The following GPC5 variants were observed in gnomAD, a reference collection of about 807,000 sequenced individuals.
GPC5 encodes glypican-5.
Under a neutral mutation model 53.9 loss-of-function variants are expected in GPC5, and 47 were observed. The observed-to-expected ratio is 0.87, with a 90% CI of 0.69 to 1.11. GPC5 has a LOEUF of 1.11. GPC5 is among the 50% of genes most tolerant of loss of function. The pLI, the probability that GPC5 is intolerant of heterozygous loss-of-function variation, is 0.00. For missense variants in GPC5, 748 were observed against 713.1 expected, an observed-to-expected ratio of 1.05 and a Z score of -0.56; for synonymous variants, 286 against 263.3, an observed-to-expected ratio of 1.09 and a Z score of -0.84.
chr13:92,104,851 C>T (rs117599066), intron 6 of GPC5, among the ~76,000 whole-genome samples: 5 of 152,126 alleles, frequency 3.3e-5, no homozygotes, highest in East Asian at 1.9e-4. Flanking sequence ...TATAACATGG[C>T]TTAGGCTTAA....
intron 7 of GPC5, among the ~76,000 whole-genome samples, chr13:92,674,960 A>G (rs1188389489): frequency 6.6e-6 from 1 of 152,174 alleles, no homozygotes; most frequent in Non-Finnish European, 1.5e-5. Flanking sequence ...AAAAACAATT[A>G]GCTTATTTAA....
At chr13:92,124,150 C>G (rs1344901738) in intron 6 of GPC5, among the ~76,000 whole-genome samples, 1 of 145,396 alleles carries the variant, frequency 6.9e-6, no homozygotes, top group Non-Finnish European at 1.5e-5. Flanking sequence ...AAAAAAGCAT[C>G]CAAATAAAGA....
intron 7 of GPC5, among the ~76,000 whole-genome samples, chr13:92,611,478 C>A (rs535627983): frequency 1.1e-4 from 16 of 152,082 alleles, no homozygotes; most frequent in Admixed American, 5.9e-4. Flanking sequence ...TATTTAAATT[C>A]CAGTAACATA....
At chr13:92,575,462 C>T (rs113585700) in intron 7 of GPC5, among the ~76,000 whole-genome samples, 1 of 152,270 alleles carries the variant, frequency 6.6e-6, no homozygotes, top group African/African-American at 2.4e-5. Flanking sequence ...GAGGCTGGGA[C>T]TCTCCCAGAG....
chr13:92,728,059 G>A (rs1888692246), intron 7 of GPC5, among the ~76,000 whole-genome samples: 1 of 151,430 alleles, frequency 6.6e-6, no homozygotes, highest in South Asian at 2.1e-4. Flanking sequence ...TTTTAAAAAT[G>A]TAGAACTACA....
chr13:92,727,374 G>A (rs1313955079), intron 7 of GPC5, among the ~76,000 whole-genome samples: 1 of 151,240 alleles, frequency 6.6e-6, no homozygotes, highest in Non-Finnish European at 1.5e-5. Context: ...GTACTAAGAG[G>A]GCTCACTTAA....
intron 7 of GPC5, among the ~76,000 whole-genome samples, chr13:92,749,537 C>A (rs1056974632): frequency 8.6e-5 from 13 of 152,002 alleles, no homozygotes; most frequent in Non-Finnish European, 5.9e-5. Flanking sequence ...ATGAATATAT[C>A]ATTTAAATGT....
intron 7 of GPC5, among the ~76,000 whole-genome samples, chr13:92,616,802 C>T (rs1314066944): frequency 1.3e-5 from 2 of 151,970 alleles, no homozygotes; most frequent in African/African-American, 2.4e-5. Context: ...CTTCAAAATG[C>T]GTAAAGCAAG....
intron 6 of GPC5, among the ~76,000 whole-genome samples, chr13:91,986,312 G>T (rs965433745): frequency 1.3e-4 from 20 of 151,850 alleles, no homozygotes; most frequent in Admixed American, 1.2e-3. Flanking sequence ...TGATCCACCC[G>T]CCTCGGCCTC....
At chr13:91,526,807 C>T (rs1336372980) in intron 2 of GPC5, among the ~76,000 whole-genome samples, 2 of 152,132 alleles carry the variant, frequency 1.3e-5, no homozygotes, top group Non-Finnish European at 2.9e-5. Context: ...AGGAAACTTG[C>T]AATCATGGTA....
intron 6 of GPC5, among the ~76,000 whole-genome samples, chr13:92,036,981 G>A (rs1714684284): frequency 6.6e-6 from 1 of 152,020 alleles, no homozygotes; most frequent in African/African-American, 2.4e-5. Context: ...CCTTTTTGTA[G>A]TCAGTTTTTC....
At chr13:92,494,060 T>TGTTTG (rs11390395) in intron 7 of GPC5, among the ~76,000 whole-genome samples, 40,840 of 143,464 alleles carry the variant, frequency 0.28, 6,484 homozygotes, top group East Asian at 0.5. Context: ...TTGTGTTTTT[T>TGTTTG]TTTGTTTGTT....
chr13:92,761,195 T>C (rs1241840303), intron 7 of GPC5, among the ~76,000 whole-genome samples: 1 of 152,206 alleles, frequency 6.6e-6, no homozygotes, highest in Non-Finnish European at 1.5e-5. Context: ...TCTCACTGTG[T>C]TGCTCAGGCT....
At chr13:91,745,287 G>A (rs2037024123) in intron 4 of GPC5, among the ~76,000 whole-genome samples, 1 of 152,032 alleles carries the variant, frequency 6.6e-6, no homozygotes, top group African/African-American at 2.4e-5. Context: ...AATGTGTTGG[G>A]TTTGGAAGGT....
At chr13:91,672,872 T>G (rs2035283115) in intron 2 of GPC5, among the ~76,000 whole-genome samples, 2 of 152,124 alleles carry the variant, frequency 1.3e-5, no homozygotes, top group Non-Finnish European at 2.9e-5. Context: ...GCAAGTGTGG[T>G]ACAAATATAC....
intron 7 of GPC5, among the ~76,000 whole-genome samples, chr13:92,349,224 A>G (rs2043454084): frequency 6.6e-6 from 1 of 152,012 alleles, no homozygotes; most frequent in Admixed American, 6.6e-5. Context: ...GCTCACTGCA[A>G]CCTCCACCTC....
At chr13:92,120,584 T>A (rs1267832920) in intron 6 of GPC5, among the ~76,000 whole-genome samples, 1 of 152,198 alleles carries the variant, frequency 6.6e-6, no homozygotes, top group Non-Finnish European at 1.5e-5. Context: ...AACACATTAC[T>A]CTCCCTTGTT....
chr13:91,649,993 C>G (rs571870300), intron 2 of GPC5, among the ~76,000 whole-genome samples: 3 of 152,102 alleles, frequency 2.0e-5, no homozygotes, highest in Non-Finnish European at 4.4e-5. Flanking sequence ...GTCCCATTAT[C>G]CCTCTACACA....
intron 7 of GPC5, among the ~76,000 whole-genome samples, chr13:92,728,372 G>A (rs953011497): frequency 1.3e-5 from 2 of 151,362 alleles, no homozygotes; most frequent in Non-Finnish European, 3.0e-5. Context: ...AGTCTTGAAT[G>A]TATAGGGATA....
Sources: allele counts gnomAD v4.1 joint callset (sites outside exome capture counted in the v4.1 genomes callset), GRCh38; gene constraint gnomAD v4.1.1; transcripts MANE v1.5; gene names NCBI Gene and HGNC (gene_info 2026-07-23, HGNC 2026-07-21).